Variants in TRPM5 observed in about 807,000 individuals in gnomAD.
The protein encoded by TRPM5 is MLSN1 and TRP-related.
TRPM5 carries 121 observed loss-of-function variants against 124.9 expected under a neutral mutation model. That is an observed-to-expected ratio of 0.97 (90% confidence interval 0.84 to 1.13). TRPM5 has a LOEUF of 1.13. Ranked by LOEUF, TRPM5 falls within the 50% of genes most tolerant of loss-of-function variation. TRPM5 has a pLI of 0.00. For synonymous variants in TRPM5, 781 were observed against 700.5 expected (o/e 1.11, Z -1.81); for missense variants, 1,643 against 1,589.1 (o/e 1.03, Z -0.58).
chr11:2,440,094 C>T, the TRPM5 span, among the ~76,000 whole-genome samples: 1 of 152,146 alleles, frequency 6.6e-6, no homozygotes, highest in African/African-American at 2.4e-5. The surrounding 1 kb of genome is among the most constrained non-coding windows in gnomAD (Gnocchi z 5.2). Flanking sequence ...AACCAAATAC[C>T]ACATGTTCTC....
chr11:2,436,930 G>A, the TRPM5 span, among the ~76,000 whole-genome samples: 6 of 152,238 alleles, frequency 3.9e-5, no homozygotes, highest in African/African-American at 1.2e-4. Flanking sequence ...GCACTGGGCC[G>A]AGACCCTGGG....
chr11:2,438,631 C>A, the TRPM5 span, among the ~76,000 whole-genome samples: 2 of 152,124 alleles, frequency 1.3e-5, no homozygotes, highest in Non-Finnish European at 2.9e-5. This position sits in a 1 kb window ranked among gnomAD's most constrained non-coding sequence, Gnocchi z 5.9. Flanking sequence ...TGTGTCACTG[C>A]ACTCCAGCCT....
In TRPM5 at chr11:2,418,910, G is replaced by T. The variant is rs373243767; in HGVS notation, c.650-319C>A. 1.6e-3 allele frequency among the ~76,000 whole-genome samples: 238 copies of T among 152,348 alleles called. 2 individuals carry two copies. The highest frequency in any genetic ancestry group is 5.7e-3 in the African/African-American group (237 of 41,584). ...GCACTGCCACACTGCACGCGCTCAT[G>T]CTGAGCATGGCAGAGGCAGCATCTC... is the stretch of plus-strand genomic sequence containing the variant. On this transcript the variant is annotated intron_variant, in intron 4 of 23. Coordinates refer to ENST00000155858, the Ensembl canonical transcript of TRPM5.
chr11:2,424,787 C>G (rs181601788), upstream of TRPM5, among the ~76,000 whole-genome samples: 124 of 152,326 alleles, frequency 8.1e-4, 1 homozygote, highest in African/African-American at 2.7e-3. Flanking sequence ...TTTTAAGATG[C>G]CCAGCTCAGG....
chr11:2,405,950 G>A lies in TRPM5; in HGVS notation c.3324+69C>T, dbSNP rs1391745407. On this transcript the variant is annotated intron_variant, in intron 22 of 23. Coordinates refer to ENST00000155858, the Ensembl canonical transcript of TRPM5. ...CTGTGAGTGACCGGGCAGGGCTGTGGACCCATCCCAGTAGCCCCACGCAGC... is the reference window on the plus strand; with the variant it reads ...CTGTGAGTGACCGGGCAGGGCTGTGAACCCATCCCAGTAGCCCCACGCAGC... 2.9e-6 allele frequency: 4 copies of A among 1,392,574 alleles called. No individual in the cohort carries two copies. In the East Asian group the frequency reaches 6.9e-5, roughly 24 times the overall value. The allele number at this position is 1,392,574 out of a possible 1,614,324, so 86.3% of individuals were successfully genotyped here.
chr11:2,424,515 G>C (rs1431387713), upstream of TRPM5, among the ~76,000 whole-genome samples: 2 of 152,266 alleles, frequency 1.3e-5, no homozygotes, highest in African/African-American at 4.8e-5. Flanking sequence ...CTGGAGCAGG[G>C]GGAGCCCTGA....
At position 2,414,731 on chromosome 11, in the gene TRPM5, G is replaced by C; in HGVS notation, c.1728C>G (p.Tyr576Ter). Residue 576 changes from tyrosine to a stop codon, truncating the protein, a stop_gained, in exon 11 of 24, where the codon TAC (tyrosine) becomes TAG (stop). Coordinates refer to ENST00000155858, the Ensembl canonical transcript of TRPM5. LOFTEE classifies it high-confidence loss of function. ...GTCACTCACCAAGGGCCAGCCGCTC[G>C]TATTTCGCCTCGCGCGTGGCTCGGG... 6.5e-7 allele frequency: 1 copy of C among 1,542,112 alleles called. No individual in the cohort carries two copies.
the TRPM5 span, among the ~76,000 whole-genome samples, chr11:2,443,512 TG>T: frequency 1.3e-5 from 2 of 152,204 alleles, no homozygotes; most frequent in Non-Finnish European, 2.9e-5. The surrounding 1 kb of genome is among the most constrained non-coding windows in gnomAD (Gnocchi z 5.0). Context: ...CAGCACAAGC[TG>T]GGACCCACTC....
chr11:2,412,212 G>T lies in TRPM5; in HGVS notation c.2397C>A (p.Phe799Leu). 6.2e-7 allele frequency: 1 copy of T among 1,613,570 alleles called. No homozygotes were observed. Among genetic ancestry groups the T allele is most frequent in the Non-Finnish European group, 8.5e-7 (1 of 1,180,002 alleles). ...TCCAGTTGTCCCCCACATACAGTGTGAACTTCTTCACCAGGTGTGTGTCCT... is the reference window on the plus strand; with the variant it reads ...TCCAGTTGTCCCCCACATACAGTGTTAACTTCTTCACCAGGTGTGTGTCCT... The change falls in exon 16 of 24, where the codon TTC becomes TTA. Residue 799 changes from phenylalanine to leucine, a missense_variant. By Grantham distance (22) the Phe-to-Leu change is conservative. Transcript: ENST00000155858.
At chr11:2,407,628 T>C (rs1850349941) in intron 19 of TRPM5, 131 bp downstream of exon 24, 1 of 1,230,114 alleles carries the variant, frequency 8.1e-7, no homozygotes, top group Admixed American at 2.2e-5. Flanking sequence ...TGCCACCTTC[T>C]ATCTGCCCTG....
At chr11:2,428,924 ATGGTGATGG>A in the TRPM5 span, among the ~76,000 whole-genome samples, 5 of 112,806 alleles carry the variant, frequency 4.4e-5, no homozygotes, top group Admixed American at 4.8e-4. The surrounding 1 kb of genome is among the most constrained non-coding windows in gnomAD (Gnocchi z 4.0). Context: ...GGTGTTGGTG[ATGGTGATGG>A]TGGTGGTAAT....
At chr11:2,415,250 C>T in exon 9 of TRPM5, 1 of 1,570,910 alleles carries the variant, frequency 6.4e-7, no homozygotes, top group Non-Finnish European at 8.6e-7. Flanking sequence ...GCTCCCGGGC[C>T]TGCTGGGTGC....
At chr11:2,424,873 C>A (rs1360441304), upstream of TRPM5, among the ~76,000 whole-genome samples, 1 of 152,234 alleles carries the variant, frequency 6.6e-6, no homozygotes, top group African/African-American at 2.4e-5. Context: ...GACTGCCAGC[C>A]CCAGGCAGGA....
At chr11:2,408,042 A>G (rs1850360274) in intron 18 of TRPM5, 130 bp from the exon 24 acceptor site, 1 of 1,231,340 alleles carries the variant, frequency 8.1e-7, no homozygotes, top group Middle Eastern at 2.9e-4. Flanking sequence ...TGGGTGACCC[A>G]CTGTCCCAGT....
exon 24 of TRPM5, chr11:2,404,830 G>C (rs571291082): frequency 1.2e-6 from 1 of 863,430 alleles, no homozygotes; most frequent in Non-Finnish European, 1.8e-6. Flanking sequence ...CTGCTGGGGG[G>C]CTGGTGCCCC....
At chr11:2,414,017 A>ACCC in intron 12 of TRPM5, 44 bp downstream of exon 17, 2 of 357,910 alleles carry the variant, frequency 5.6e-6, no homozygotes, top group Admixed American at 4.1e-5. Context: ...TCGCCCGCCC[A>ACCC]CCCCACCCCC....
At chr11:2,410,655 G>A (rs549104815) in intron 18 of TRPM5, 48 of 451,954 alleles carry the variant, frequency 1.1e-4, no homozygotes, top group African/African-American at 8.8e-4. Context: ...AAGCGGCTCT[G>A]ACCCCCGCCC....
At chr11:2,416,905 T>C (rs1056463785) in intron 7 of TRPM5, among the ~76,000 whole-genome samples, 2 of 152,100 alleles carry the variant, frequency 1.3e-5, no homozygotes, top group African/African-American at 4.8e-5. Context: ...GACTCCGCCT[T>C]ACAAAAGGAA....
At position 2,405,536 on chromosome 11, in the gene TRPM5, C is replaced by T. The variant is rs757453266; in HGVS notation, c.3382G>A (p.Gly1128Ser). The T allele has an allele frequency of 1.6e-5, 25 of 1,561,212 alleles. No homozygotes were observed. The African/African-American group carries it at 1.6e-4, about 10-fold the overall frequency. ...CCCCAAACAGGCTTACTCCGGGGGC[C>T]GCCACCCTGGGCCAGCACGTCAGCC... is the stretch of plus-strand genomic sequence containing the variant. The change falls in exon 23 of 24, where the codon GGC becomes AGC. Residue 1128 changes from glycine (G) to serine (S), a missense_variant. Coordinates refer to ENST00000155858, the Ensembl canonical transcript of TRPM5.
Sources: allele counts gnomAD v4.1 joint callset (sites outside exome capture counted in the v4.1 genomes callset), GRCh38; gene constraint gnomAD v4.1.1; non-coding constraint Gnocchi (gnomAD v3.1); transcripts MANE v1.5; gene names NCBI Gene and HGNC (gene_info 2026-07-23, HGNC 2026-07-21).